ADAM19: variants seen among roughly 807,000 people sequenced by gnomAD.
ADAM19 encodes disintegrin and metalloproteinase domain-containing protein 19.
Under a neutral mutation model 114.7 loss-of-function variants are expected in ADAM19, and 65 were observed. The observed-to-expected ratio is 0.57, with a 90% CI of 0.46 to 0.70. ADAM19 has a LOEUF of 0.70. ADAM19 is among the 30% of genes least tolerant of loss of function. The pLI is 0.00. For missense variants in ADAM19, 1,063 were observed against 1,204.7 expected, an observed-to-expected ratio of 0.88 and a Z score of 1.74; for synonymous variants, 466 against 460.5, an observed-to-expected ratio of 1.01 and a Z score of -0.15.
intron 3 of ADAM19, among the ~76,000 whole-genome samples, chr5:157,546,793 C>A (rs1757063186): frequency 6.6e-6 from 1 of 152,136 alleles, no homozygotes; most frequent in Non-Finnish European, 1.5e-5. Flanking sequence ...CACATGGGAG[C>A]CATGGAAGAG....
intron 3 of ADAM19, among the ~76,000 whole-genome samples, chr5:157,558,327 C>A (rs551962046): frequency 6.6e-6 from 1 of 152,206 alleles, no homozygotes; most frequent in South Asian, 2.1e-4. Context: ...GTTATACAAC[C>A]TTAGCCATGG....
At chr5:157,531,051 C>A (rs576355870) in intron 4 of ADAM19, among the ~76,000 whole-genome samples, 168 bp from the exon 5 acceptor site, 1 of 152,160 alleles carries the variant, frequency 6.6e-6, no homozygotes, top group Non-Finnish European at 1.5e-5. Context: ...ATCTGATTCC[C>A]ATAATAATCC....
intron 8 of ADAM19, among the ~76,000 whole-genome samples, chr5:157,509,893 T>C (rs187547177): frequency 3.7e-4 from 56 of 152,332 alleles, no homozygotes; most frequent in African/African-American, 1.3e-3. Flanking sequence ...GACAGGAACA[T>C]AAATTTCATT....
chr5:157,530,526 A>G (rs894335206), intron 5 of ADAM19, among the ~76,000 whole-genome samples: 6 of 152,328 alleles, frequency 3.9e-5, no homozygotes, highest in Admixed American at 3.9e-4. Context: ...CATCTTTTCA[A>G]TGGCAGTCAT....
At chr5:157,523,083 A>T (rs749683643) in intron 5 of ADAM19, among the ~76,000 whole-genome samples, 20 of 152,154 alleles carry the variant, frequency 1.3e-4, no homozygotes, top group Non-Finnish European at 2.9e-4. Flanking sequence ...TGTGGCTCAG[A>T]GACATTAAAT....
rs115983451 is a variant in ADAM19, at chr5:157,487,425, C to G, written c.2550+840G>C. Reference sequence around the variant, plus strand: ...ACCCCAGAGTCCTTAGGGTCAGAGACAGCTTGGGTTCCATGGAGCCCTCTG... The same window carrying G: ...ACCCCAGAGTCCTTAGGGTCAGAGAGAGCTTGGGTTCCATGGAGCCCTCTG... On this transcript the variant is annotated intron_variant, in intron 21 of 22. Coordinates refer to ENST00000257527, the MANE Select transcript of ADAM19 (RefSeq NM_033274.5). Among the ~76,000 whole-genome samples the G allele has an allele frequency of 2.8e-3, 426 of 152,312 alleles. 1 individual carries two copies. The highest frequency in any genetic ancestry group is 1.0e-2 in the African/African-American group (414 of 41,548).
At chr5:157,506,228 C>T (rs186977653) in intron 10 of ADAM19, among the ~76,000 whole-genome samples, 2 of 152,150 alleles carry the variant, frequency 1.3e-5, no homozygotes, top group Non-Finnish European at 2.9e-5. Flanking sequence ...CCACACAAGA[C>T]AGATACACTC....
At chr5:157,519,507 A>G (rs1376217058) in intron 6 of ADAM19, among the ~76,000 whole-genome samples, 1 of 151,826 alleles carries the variant, frequency 6.6e-6, no homozygotes, top group East Asian at 1.9e-4. Context: ...CTGGACTCAA[A>G]CTCCTGGCCT....
rs148709378 is a variant in ADAM19, at chr5:157,538,627, G to A, written c.252-636C>T. ...GGACACTTAGTGGTTCCGATTTCCTGAGACCTGGTAATTCTATGTTACTCT... is the reference window on the plus strand; with the variant it reads ...GGACACTTAGTGGTTCCGATTTCCTAAGACCTGGTAATTCTATGTTACTCT... On this transcript the variant is annotated intron_variant, in intron 3 of 22. Coordinates refer to ENST00000257527, the MANE Select transcript of ADAM19 (RefSeq NM_033274.5). Among the ~76,000 whole-genome samples, 3 of 152,308 alleles carry A rather than the reference G, an allele frequency of 2.0e-5. No homozygotes were observed. The East Asian group carries it at 5.8e-4, about 29-fold the overall frequency.
intron 21 of ADAM19, among the ~76,000 whole-genome samples, chr5:157,482,318 G>A (rs1754781081): frequency 6.6e-6 from 1 of 152,142 alleles, no homozygotes; most frequent in Non-Finnish European, 1.5e-5. Flanking sequence ...CTGTCAGATG[G>A]ATAGATTGCA....
At chr5:157,503,027 C>A (rs757684917) in intron 11 of ADAM19, 47 bp from the exon 12 acceptor site, 4 of 1,572,748 alleles carry the variant, frequency 2.5e-6, no homozygotes, top group African/African-American at 2.7e-5. Flanking sequence ...GAGCATCTAG[C>A]AGTCAGGCAG....
intron 3 of ADAM19, among the ~76,000 whole-genome samples, chr5:157,555,784 T>C (rs969797860): frequency 6.6e-6 from 1 of 152,168 alleles, no homozygotes; most frequent in Non-Finnish European, 1.5e-5. Context: ...AAATCGGTAT[T>C]ATTGGGCCAA....
chr5:157,534,452 A>G (rs1200142626), intron 4 of ADAM19, among the ~76,000 whole-genome samples: 3 of 152,184 alleles, frequency 2.0e-5, no homozygotes, highest in African/African-American at 4.8e-5. Context: ...TGGGCAACAG[A>G]GTGAGACTGT....
At chr5:157,531,184 T>A (rs563653936) in intron 4 of ADAM19, among the ~76,000 whole-genome samples, 1 of 152,330 alleles carries the variant, frequency 6.6e-6, no homozygotes, top group East Asian at 1.9e-4. Context: ...ATTTTCCTAG[T>A]TCAGGGCTCT....
At chr5:157,508,612 A>G (rs1461630714) in intron 9 of ADAM19, among the ~76,000 whole-genome samples, 1 of 152,176 alleles carries the variant, frequency 6.6e-6, no homozygotes, top group Non-Finnish European at 1.5e-5. Flanking sequence ...AAGAAAAAAA[A>G]AAAAGAAAAG....
chr5:157,513,818 T>A (rs990683150), intron 7 of ADAM19, among the ~76,000 whole-genome samples: 3 of 152,244 alleles, frequency 2.0e-5, no homozygotes, highest in African/African-American at 7.2e-5. Flanking sequence ...TTACATGGCC[T>A]CTGGCAAACT....
rs941473999 is a variant in ADAM19, at chr5:157,491,621, G to A, written c.2089C>T (p.Pro697Ser). The change falls in exon 18 of 23, where the codon CCT becomes TCT. Residue 697 changes from proline to serine, a missense_variant. Pro to Ser is a moderately conservative substitution (Grantham distance 74). This residue lies in a region of ADAM19 where 424 missense variants were observed against 445.5 expected (regional missense o/e 0.95). Coordinates refer to ENST00000257527, the MANE Select transcript of ADAM19 (RefSeq NM_033274.5). ...GGSIDSGPMP[P>S]ESVGPVVAGV... ...CCAGCAGGCTGGCACTCACTCTCAG[G>A]GGGCATAGGCCCACTGTCGATACTG... 6.6e-7 allele frequency: 1 copy of A among 1,508,550 alleles called. No homozygotes were observed. Among genetic ancestry groups the A allele is most frequent in the Admixed American group, 2.3e-5 (1 of 44,370 alleles). The allele number at this position is 1,508,550 out of a possible 1,614,324, so 93.4% of individuals were successfully genotyped here.
At position 157,537,794 on chromosome 5, in the gene ADAM19, GC is replaced by G. The variant is rs997975873; in HGVS notation, c.330+118del. 3 of 858,144 alleles carry G rather than the reference GC, an allele frequency of 3.5e-6. No individual in the cohort carries two copies. In the African/African-American group the frequency reaches 5.2e-5, roughly 15 times the overall value. 53.2% of individuals were successfully genotyped at this position (858,144 alleles called of 1,614,324 possible). On this transcript the variant is annotated intron_variant, in intron 4 of 22. Coordinates refer to ENST00000257527, the MANE Select transcript of ADAM19 (RefSeq NM_033274.5). Reference sequence around the variant, plus strand: ...CTTCTCGTTTGCTCCCTTGGTCTTCGCTTGGGGGAAACACTCCCTTCAGAGG... The same window carrying G: ...CTTCTCGTTTGCTCCCTTGGTCTTCGTTGGGGGAAACACTCCCTTCAGAGG...
At chr5:157,546,457 A>G (rs1007836680) in intron 3 of ADAM19, among the ~76,000 whole-genome samples, 1 of 152,292 alleles carries the variant, frequency 6.6e-6, no homozygotes, top group East Asian at 1.9e-4. Context: ...GGCCAGTTTG[A>G]CCTTTGCATT....
Sources: allele counts gnomAD v4.1 joint callset (sites outside exome capture counted in the v4.1 genomes callset), GRCh38; gene constraint gnomAD v4.1.1; regional missense constraint gnomAD v4.1.1; transcripts MANE v1.5; gene names NCBI Gene and HGNC (gene_info 2026-07-23, HGNC 2026-07-21).